The following CHODL variants were observed in gnomAD, a reference collection of about 807,000 sequenced individuals.
CHODL encodes the protein chondrolectin.
In CHODL, 29 loss-of-function variants were observed where a neutral mutation model predicts 34.5. The observed-to-expected ratio is 0.84, with a 90% confidence interval of 0.63 to 1.15. The LOEUF (loss-of-function observed/expected upper bound fraction) is 1.15. Among genes scored for constraint, CHODL ranks in the 50% most tolerant of loss-of-function variants. The probability of loss-of-function intolerance (pLI) is 0.00; values close to 1 mark genes in which losing one functional copy is unlikely to be tolerated. For synonymous variants in CHODL, 125 were observed against 116.1 expected, an observed-to-expected ratio of 1.08 and a Z score of -0.49; for missense variants, 332 against 332.5, an observed-to-expected ratio of 1.00 and a Z score of 0.01.
chr21:18,241,398 T>C (rs1047328982), upstream of CHODL, among the ~76,000 whole-genome samples: 3 of 152,238 alleles, frequency 2.0e-5, no homozygotes, highest in African/African-American at 4.8e-5. Context: ...TAAAGTATAA[T>C]AGAATAAATA....
At chr21:18,048,157 A>G (rs2064468045) in intron 2 of CHODL, among the ~76,000 whole-genome samples, 1 of 151,968 alleles carries the variant, frequency 6.6e-6, no homozygotes, top group Non-Finnish European at 1.5e-5. Context: ...AGGCCAAACT[A>G]AAAATCTCTT....
At chr21:18,129,872 TTC>T (rs956727126) in intron 2 of CHODL, among the ~76,000 whole-genome samples, 1 of 146,850 alleles carries the variant, frequency 6.8e-6, no homozygotes, top group Non-Finnish European at 1.5e-5. Flanking sequence ...ATCTTTAGTA[TTC>T]TCTCTCTCTG....
chr21:18,109,479 G>A (rs2065320390), intron 2 of CHODL, among the ~76,000 whole-genome samples: 1 of 152,090 alleles, frequency 6.6e-6, no homozygotes, highest in Non-Finnish European at 1.5e-5. Context: ...GTTTCCAGAG[G>A]GCAGCTGTGG....
intron 2 of CHODL, among the ~76,000 whole-genome samples, chr21:18,215,287 G>A (rs1027397360): frequency 2.0e-5 from 3 of 152,052 alleles, no homozygotes; most frequent in Admixed American, 6.6e-5. Context: ...TCCAGGTAGG[G>A]CTAGTCCTCC....
intron 2 of CHODL, among the ~76,000 whole-genome samples, chr21:18,051,858 G>A (rs2064520339): frequency 6.6e-6 from 1 of 151,750 alleles, no homozygotes; most frequent in Non-Finnish European, 1.5e-5. Context: ...AAAGAATCTT[G>A]TTTTTATATA....
chr21:18,165,976 A>C (rs963619087), intron 2 of CHODL, among the ~76,000 whole-genome samples: 1 of 152,146 alleles, frequency 6.6e-6, no homozygotes, highest in African/African-American at 2.4e-5. Flanking sequence ...AAACAGTAAA[A>C]ATTTATTCTG....
At chr21:18,120,069 C>G (rs545427371) in intron 2 of CHODL, among the ~76,000 whole-genome samples, 1 of 152,136 alleles carries the variant, frequency 6.6e-6, no homozygotes, top group Admixed American at 6.6e-5. Context: ...GAAAAATATT[C>G]CCCAGTAGCT....
intron 4 of CHODL, among the ~76,000 whole-genome samples, 166 bp from the exon 5 acceptor site, chr21:18,262,625 T>G (rs2074396151): frequency 6.6e-6 from 1 of 152,206 alleles, no homozygotes; most frequent in Admixed American, 6.5e-5. Flanking sequence ...ATGTGGTGCA[T>G]GACTGTATAT....
chr21:18,089,050 G>T (rs933810732), intron 2 of CHODL, among the ~76,000 whole-genome samples: 3 of 152,112 alleles, frequency 2.0e-5, no homozygotes, highest in African/African-American at 7.2e-5. Flanking sequence ...ACTTTCCATG[G>T]CCACCTTTGC....
chr21:18,009,009 C>T (rs2146409630), intron 1 of CHODL, among the ~76,000 whole-genome samples: 1 of 152,222 alleles, frequency 6.6e-6, no homozygotes, highest in South Asian at 2.1e-4. Flanking sequence ...GATATATTCA[C>T]CACAAAGAAT....
At chr21:18,174,123 GTATATATATA>G (rs1159511070) in intron 2 of CHODL, among the ~76,000 whole-genome samples, 7 of 21,568 alleles carry the variant, frequency 3.2e-4, no homozygotes, top group Admixed American at 4.6e-4. Context: ...ATATCTTGGT[GTATATATATA>G]TATATATATA....
At chr21:18,090,632 G>T (rs1237596982) in intron 2 of CHODL, among the ~76,000 whole-genome samples, 1 of 145,738 alleles carries the variant, frequency 6.9e-6, no homozygotes, top group Non-Finnish European at 1.5e-5. Context: ...GCCACAGAGA[G>T]AATGAAAGAG....
chr21:18,053,157 A>G (rs1220331057), intron 2 of CHODL, among the ~76,000 whole-genome samples: 1 of 151,966 alleles, frequency 6.6e-6, no homozygotes, highest in Non-Finnish European at 1.5e-5. Context: ...TGAAGGAGTT[A>G]AAGCAATTAT....
intron 2 of CHODL, among the ~76,000 whole-genome samples, chr21:18,064,723 C>T (rs1419090582): frequency 1.3e-5 from 2 of 152,142 alleles, no homozygotes; most frequent in Admixed American, 6.5e-5. Context: ...ATAATTGCAT[C>T]AGCCAATTCC....
intron 1 of CHODL, chr21:17,917,491 C>T (rs75577189): frequency 1.1e-4 from 17 of 148,508 alleles, no homozygotes; most frequent in Non-Finnish European, 2.4e-4. Flanking sequence ...AGTAAAATAA[C>T]CTGGGGCTAG....
chr21:17,995,075 C>T lies in CHODL; in HGVS notation c.-144-32797C>T, dbSNP rs140038745. On this transcript the variant is annotated intron_variant, in intron 1 of 6. Transcript: ENST00000400127. ...TGATCGCACCCCTTGATCCAGACAG[C>T]GTCATGATGCTGCAGCCCTCTGGGT... is the stretch of plus-strand genomic sequence containing the variant. Among the ~76,000 whole-genome samples, 881 of 152,192 alleles carry T rather than the reference C, an allele frequency of 5.8e-3. 9 individuals carry two copies. Among genetic ancestry groups the T allele is most frequent in the African/African-American group, 0.014 (580 of 41,520 alleles).
At chr21:18,003,012 A>G (rs1411033067) in intron 1 of CHODL, among the ~76,000 whole-genome samples, 3 of 151,448 alleles carry the variant, frequency 2.0e-5, no homozygotes, top group Non-Finnish European at 4.4e-5. Flanking sequence ...AGTCCCAGCT[A>G]CTCGGGAGGC....
chr21:17,961,308 A>T (rs1438634810), intron 1 of CHODL, among the ~76,000 whole-genome samples: 1 of 152,224 alleles, frequency 6.6e-6, no homozygotes, highest in Non-Finnish European at 1.5e-5. Context: ...AGCTAGTGCT[A>T]CCTAAAAGCA....
intron 1 of CHODL, among the ~76,000 whole-genome samples, chr21:17,996,867 T>G (rs2063854959): frequency 6.6e-6 from 1 of 152,206 alleles, no homozygotes; most frequent in African/African-American, 2.4e-5. Context: ...CCTGAAAATT[T>G]TAAATTTATA....
Sources: allele counts gnomAD v4.1 joint callset (sites outside exome capture counted in the v4.1 genomes callset), GRCh38; gene constraint gnomAD v4.1.1; transcripts MANE v1.5; gene names NCBI Gene and HGNC (gene_info 2026-07-23, HGNC 2026-07-21).